ATXN7L1: variants seen among roughly 807,000 people sequenced by gnomAD.
ATXN7L1 encodes ataxin 7 like 1.
In ATXN7L1, 15 loss-of-function variants were observed where a neutral mutation model predicts 70.8. The observed-to-expected ratio is 0.21, with a 90% CI of 0.14 to 0.33. The LOEUF (loss-of-function observed/expected upper bound fraction) is 0.33. Among genes scored for constraint, ATXN7L1 ranks in the 10% least tolerant of loss-of-function variants. The pLI is 1.00. For synonymous variants in ATXN7L1, 440 were observed against 445.1 expected, an observed-to-expected ratio of 0.99 and a Z score of 0.14; for missense variants, 975 against 1,097.1, an observed-to-expected ratio of 0.89 and a Z score of 1.57.
At position 105,725,608 on chromosome 7, in the gene ATXN7L1, T is replaced by A. The variant is rs1300147627; in HGVS notation, c.356-60320A>T. Among the ~76,000 whole-genome samples, 8 of 145,412 alleles carry A rather than the reference T, an allele frequency of 5.5e-5. No homozygotes were observed. The Admixed American group carries it at 5.6e-4, about 10-fold the overall frequency. The stretch of plus-strand genomic sequence containing the variant: ...CTTTTTTTTTTTTTTTGAGATGGAG[T>A]CTCACTCTGTCATCCAGGCTAGAGT... On this transcript the variant is annotated intron_variant, in intron 3 of 11. Transcript: ENST00000419735.
intron 9 of ATXN7L1, among the ~76,000 whole-genome samples, chr7:105,615,476 C>G (rs1461520067): frequency 6.6e-6 from 1 of 152,190 alleles, no homozygotes; most frequent in Non-Finnish European, 1.5e-5. Flanking sequence ...GCTGCTGGCT[C>G]CTGGTGGCTG....
At chr7:105,860,173 A>C (rs1816404094) in intron 2 of ATXN7L1, among the ~76,000 whole-genome samples, 2 of 141,740 alleles carry the variant, frequency 1.4e-5, no homozygotes, top group Non-Finnish European at 3.0e-5. Context: ...ATATATGAAA[A>C]CAAGACAAAA....
At chr7:105,819,865 G>GTCAT in intron 2 of ATXN7L1, 1 of 597,006 alleles carries the variant, frequency 1.7e-6, no homozygotes, top group Non-Finnish European at 3.2e-6. Flanking sequence ...TGCCCTCAAG[G>GTCAT]TCATGCATCT....
At chr7:105,655,554 A>G (rs1800489064) in intron 4 of ATXN7L1, among the ~76,000 whole-genome samples, 1 of 151,940 alleles carries the variant, frequency 6.6e-6, no homozygotes, top group Admixed American at 6.5e-5. Context: ...GGGTCCTTGC[A>G]GTGTCTGCGG....
intron 3 of ATXN7L1, among the ~76,000 whole-genome samples, chr7:105,748,260 A>G (rs975966723): frequency 2.0e-5 from 3 of 152,238 alleles, no homozygotes; most frequent in African/African-American, 7.2e-5. Context: ...GAGCAGACTT[A>G]GTCTGCATTT....
At chr7:105,624,439 C>T (rs941414984) in intron 7 of ATXN7L1, among the ~76,000 whole-genome samples, 172 bp from the exon 8 acceptor site, 4 of 152,152 alleles carry the variant, frequency 2.6e-5, no homozygotes, top group African/African-American at 9.7e-5. Context: ...ATGACGAGGT[C>T]AGGAGATCGA....
intron 4 of ATXN7L1, among the ~76,000 whole-genome samples, chr7:105,650,629 G>A (rs1232500957): frequency 6.6e-6 from 1 of 152,208 alleles, no homozygotes; most frequent in Admixed American, 6.5e-5. Context: ...AGCCTAGAGT[G>A]ATACCATGCA....
At chr7:105,775,106 G>A (rs760532289) in intron 3 of ATXN7L1, among the ~76,000 whole-genome samples, 1 of 152,090 alleles carries the variant, frequency 6.6e-6, no homozygotes, top group Non-Finnish European at 1.5e-5. Flanking sequence ...CCCAATTTAT[G>A]TTTTGCCCTA....
At chr7:105,832,949 C>A (rs1811836694) in intron 2 of ATXN7L1, among the ~76,000 whole-genome samples, 1 of 152,198 alleles carries the variant, frequency 6.6e-6, no homozygotes, top group Non-Finnish European at 1.5e-5. Context: ...TTTCTGACTT[C>A]CGTGCTTCTA....
chr7:105,674,989 G>T (rs896232423), intron 3 of ATXN7L1, among the ~76,000 whole-genome samples: 1 of 152,140 alleles, frequency 6.6e-6, no homozygotes, highest in East Asian at 1.9e-4. Flanking sequence ...ACTTTCAAGG[G>T]ATTACATTTT....
At chr7:105,649,433 T>G in intron 4 of ATXN7L1, 1 of 987,806 alleles carries the variant, frequency 1.0e-6, no homozygotes, top group Non-Finnish European at 1.2e-6. Context: ...CTGCTTTAGT[T>G]GCCCACGTCT....
chr7:105,664,588 T>TATATATATATATATA (rs1388359970), intron 4 of ATXN7L1, among the ~76,000 whole-genome samples: 4 of 147,698 alleles, frequency 2.7e-5, no homozygotes, highest in East Asian at 2.0e-4. Context: ...TATATATATA[T>TATATATATATATATA]TTGAGACAGA....
At chr7:105,743,895 A>G (rs1342349977) in intron 3 of ATXN7L1, among the ~76,000 whole-genome samples, 3 of 152,234 alleles carry the variant, frequency 2.0e-5, no homozygotes, top group Non-Finnish European at 2.9e-5. Flanking sequence ...TCAAGTATCA[A>G]TCACTGACAT....
chr7:105,638,359 A>C lies in ATXN7L1; in HGVS notation c.1196T>G (p.Leu399Arg). The change falls in exon 7 of 12, where the codon CTT (leucine) becomes CGT (arginine). Residue 399 changes from leucine to arginine, a missense_variant. By Grantham distance (102) the Leu-to-Arg change is moderately radical. Around this residue, in one of 5 missense-constraint regions of ATXN7L1, gnomAD observed 635 missense variants for 699.4 expected, o/e 0.91. Transcript: ENST00000419735. ...PAKSRPPNSV[L>R]PRPSSANSIS... Reference sequence around the variant, plus strand: ...TCGTCAAGGTGGTACTTACCTAGGAAGTACAGAGTTGGGTGGTCTGGATTT... The same window carrying C: ...TCGTCAAGGTGGTACTTACCTAGGACGTACAGAGTTGGGTGGTCTGGATTT... 1 of 1,551,058 alleles carries C rather than the reference A, an allele frequency of 6.4e-7. No individual in the cohort carries two copies. Among genetic ancestry groups the C allele is most frequent in the Non-Finnish European group, 8.7e-7 (1 of 1,146,438 alleles).
intron 9 of ATXN7L1, among the ~76,000 whole-genome samples, chr7:105,618,818 G>A (rs549304286): frequency 4.6e-5 from 7 of 152,196 alleles, no homozygotes; most frequent in South Asian, 2.1e-4. Context: ...ATTATCAAGC[G>A]GCCTATTATT....
At chr7:105,770,689 C>G (rs183013634) in intron 3 of ATXN7L1, among the ~76,000 whole-genome samples, 235 of 152,294 alleles carry the variant, frequency 1.5e-3, no homozygotes, top group Non-Finnish European at 2.0e-3. Context: ...GATGGAGAGA[C>G]CCTGCCAGAC....
At chr7:105,704,372 T>C (rs1792860165) in intron 3 of ATXN7L1, among the ~76,000 whole-genome samples, 1 of 152,222 alleles carries the variant, frequency 6.6e-6, no homozygotes, top group South Asian at 2.1e-4. Flanking sequence ...TAATCTGTGA[T>C]TGTTCTTTAT....
intron 3 of ATXN7L1, among the ~76,000 whole-genome samples, chr7:105,725,642 G>A (rs1431683140): frequency 1.3e-5 from 2 of 149,610 alleles, no homozygotes; most frequent in East Asian, 3.9e-4. Flanking sequence ...GTGCAGTGGC[G>A]CCATCTTGGC....
At chr7:105,766,277 G>A (rs562442255) in intron 3 of ATXN7L1, among the ~76,000 whole-genome samples, 4 of 151,990 alleles carry the variant, frequency 2.6e-5, no homozygotes, top group African/African-American at 9.7e-5. Flanking sequence ...AACTCTGAAT[G>A]TATCTCTCAA....
Sources: gnomAD v4.1 joint callset for allele counts (sites outside exome capture counted in the v4.1 genomes callset) on GRCh38, gnomAD v4.1.1 for gene constraint, gnomAD v4.1.1 regional missense constraint, MANE v1.5 for transcripts, NCBI Gene and HGNC (gene_info 2026-07-23, HGNC 2026-07-21) for gene names.